The following SUSD3 variants were observed in gnomAD, a reference collection of about 807,000 sequenced individuals.
SUSD3 encodes sushi domain containing 3.
A neutral mutation model predicts 20.6 loss-of-function variants in SUSD3; 18 were observed. That is an observed-to-expected ratio of 0.87 (90% CI 0.60 to 1.30). SUSD3 has a LOEUF of 1.30. Among genes scored for constraint, SUSD3 ranks in the 50% most tolerant of loss-of-function variants. The pLI, the probability that SUSD3 is intolerant of heterozygous loss-of-function variation, is 0.00. For synonymous variants in SUSD3, 137 were observed against 141.5 expected (o/e 0.97, Z 0.23); for missense variants, 306 against 346.9 (o/e 0.88, Z 0.94).
intron 2 of SUSD3, among the ~76,000 whole-genome samples, chr9:93,076,903 G>T (rs1826188990): frequency 6.6e-6 from 1 of 152,242 alleles, no homozygotes; most frequent in African/African-American, 2.4e-5. Context: ...ATGGGGTGAG[G>T]GGCCCTGGGG....
chr9:93,072,267 C>T (rs532007572), intron 1 of SUSD3, among the ~76,000 whole-genome samples: 2 of 152,336 alleles, frequency 1.3e-5, no homozygotes, highest in Admixed American at 6.5e-5. Context: ...TCAACCCCTC[C>T]TGAGGGCCAC....
chr9:93,071,576 C>T (rs1043936124), intron 1 of SUSD3, among the ~76,000 whole-genome samples: 45 of 152,258 alleles, frequency 3.0e-4, no homozygotes, highest in South Asian at 6.2e-4. Flanking sequence ...CCCAGTCCAC[C>T]GACGCAAATG....
chr9:93,060,315 C>A (rs1282634885), intron 1 of SUSD3, among the ~76,000 whole-genome samples: 1 of 152,070 alleles, frequency 6.6e-6, no homozygotes, highest in East Asian at 1.9e-4. Flanking sequence ...TACCTCTGTG[C>A]CTCAGTTTCC....
In SUSD3 at chr9:93,063,854, T is replaced by A. The variant is rs141614521; in HGVS notation, c.88+5024T>A. Among the ~76,000 whole-genome samples the A allele has an allele frequency of 2.4e-3, 363 of 152,356 alleles. 1 individual carries two copies. The highest frequency in any genetic ancestry group is 8.3e-3 in the African/African-American group (345 of 41,578). On this transcript the variant is annotated intron_variant, in intron 1 of 4. Coordinates refer to ENST00000375472, the MANE Select transcript of SUSD3 (RefSeq NM_145006.4). ...TGCAGGGTCTGAGGCCAGGACTGCG[T>A]TTAAGGCCCCCCAGCCCCACCAGGC...
intron 1 of SUSD3, 87 bp downstream of exon 1, chr9:93,058,917 C>A: frequency 1.2e-6 from 1 of 801,308 alleles, no homozygotes; most frequent in Non-Finnish European, 1.7e-6. Context: ...CGCGGGGCCG[C>A]ACAGCCGTGG....
intron 1 of SUSD3, chr9:93,069,233 C>A: frequency 1.5e-6 from 1 of 680,146 alleles, no homozygotes; most frequent in Non-Finnish European, 2.7e-6. Context: ...TGCTGTCAGT[C>A]ACTTAGTAGC....
chr9:93,079,704 C>G, intron 4 of SUSD3, 102 bp downstream of exon 4: 1 of 1,321,730 alleles, frequency 7.6e-7, no homozygotes, highest in Non-Finnish European at 1.0e-6. Flanking sequence ...GCCTGCTGCT[C>G]CCACACGCCT....
chr9:93,070,338 A>T (rs548129282), intron 1 of SUSD3, among the ~76,000 whole-genome samples: 1 of 152,348 alleles, frequency 6.6e-6, no homozygotes, highest in Non-Finnish European at 1.5e-5. Flanking sequence ...TGAACAGAAT[A>T]TTCTATCCAT....
chr9:93,079,452 C>A lies in SUSD3; in HGVS notation c.426-19C>A. On this transcript the variant is annotated intron_variant, in intron 3 of 4. Transcript: ENST00000375472. ...TACACCTGCATGCTCAGAGTCCTTC[C>A]TCCCAAACTCTCCTCCAGGTCAGCC... is the stretch of plus-strand genomic sequence containing the variant. 6.2e-7 allele frequency: 1 copy of A among 1,613,062 alleles called. No individual in the cohort carries two copies. The highest frequency in any genetic ancestry group is 1.1e-5 in the South Asian group (1 of 90,976).
intron 4 of SUSD3, among the ~76,000 whole-genome samples, chr9:93,082,922 G>C (rs1026997147): frequency 3.3e-5 from 5 of 152,142 alleles, no homozygotes; most frequent in African/African-American, 7.2e-5. Flanking sequence ...CAGGGGTGCT[G>C]TTTGGGGCCA....
At chr9:93,075,749 C>G (rs780612185) in intron 1 of SUSD3, 35 bp from the exon 2 acceptor site, 3 of 215,698 alleles carry the variant, frequency 1.4e-5, no homozygotes, top group Non-Finnish European at 1.8e-5. Context: ...CACCCCCCCC[C>G]CCCCGCCATG....
intron 1 of SUSD3, among the ~76,000 whole-genome samples, chr9:93,060,770 G>A (rs1361783800): frequency 2.6e-5 from 4 of 152,154 alleles, no homozygotes; most frequent in Admixed American, 6.5e-5. Flanking sequence ...TCCAGAGTTC[G>A]AGGCTACAGT....
intron 3 of SUSD3, 45 bp from the exon 4 acceptor site, chr9:93,079,426 A>G: frequency 6.2e-7 from 1 of 1,606,380 alleles, no homozygotes; most frequent in Non-Finnish European, 8.5e-7. Context: ...ACCGTCAGGG[A>G]TACACCTGCA....
intron 3 of SUSD3, 81 bp from the exon 4 acceptor site, chr9:93,079,390 G>A (rs1216504063): frequency 3.3e-6 from 5 of 1,510,838 alleles, no homozygotes; most frequent in Non-Finnish European, 4.5e-6. Context: ...ACGGTGCCCT[G>A]GGCCTACATG....
intron 1 of SUSD3, among the ~76,000 whole-genome samples, chr9:93,071,437 A>G (rs1445078227): frequency 6.6e-6 from 1 of 152,240 alleles, no homozygotes; most frequent in Non-Finnish European, 1.5e-5. Flanking sequence ...AGCATCCAGC[A>G]TGGGAGAAAG....
chr9:93,074,572 G>GT (rs1826050133), intron 1 of SUSD3, among the ~76,000 whole-genome samples: 1 of 149,566 alleles, frequency 6.7e-6, no homozygotes. Flanking sequence ...ATTATGTATG[G>GT]TTCTGAGGTG....
chr9:93,081,459 G>A (rs1447651828), intron 4 of SUSD3, among the ~76,000 whole-genome samples: 1 of 152,106 alleles, frequency 6.6e-6, no homozygotes, highest in Non-Finnish European at 1.5e-5. Context: ...TTGCAGTAGC[G>A]CTCACCCTTT....
intron 1 of SUSD3, among the ~76,000 whole-genome samples, chr9:93,071,000 T>C (rs1405206249): frequency 4.6e-5 from 7 of 152,196 alleles, no homozygotes; most frequent in Non-Finnish European, 7.3e-5. Context: ...GCTGAAGCTT[T>C]GTATCAGATT....
At chr9:93,080,756 C>T (rs1488544711) in intron 4 of SUSD3, among the ~76,000 whole-genome samples, 1 of 152,248 alleles carries the variant, frequency 6.6e-6, no homozygotes, top group Non-Finnish European at 1.5e-5. Flanking sequence ...GCGTGCAAGG[C>T]TGATCCTGCC....
Sources: gnomAD v4.1 joint callset for allele counts (sites outside exome capture counted in the v4.1 genomes callset) on GRCh38, gnomAD v4.1.1 for gene constraint, MANE v1.5 for transcripts, NCBI Gene and HGNC (gene_info 2026-07-23, HGNC 2026-07-21) for gene names.